Variants in CFAP299 observed in about 807,000 individuals in gnomAD.
The protein encoded by CFAP299 is cilia and flagella associated protein 299.
CFAP299 carries 21 observed loss-of-function variants against 27.0 expected under a neutral mutation model. That is an observed-to-expected ratio of 0.78 (90% CI 0.55 to 1.12). The LOEUF (loss-of-function observed/expected upper bound fraction) is 1.12. Ranked by LOEUF, CFAP299 falls within the 50% of genes most tolerant of loss-of-function variation. The pLI, the probability that CFAP299 is intolerant of heterozygous loss-of-function variation, is 0.00. For synonymous variants in CFAP299, 104 were observed against 98.1 expected (o/e 1.06, Z -0.36); for missense variants, 310 against 276.6 (o/e 1.12, Z -0.86).
chr4:80,349,221 A>G (rs1722905334), intron 1 of CFAP299, among the ~76,000 whole-genome samples: 1 of 152,238 alleles, frequency 6.6e-6, no homozygotes, highest in African/African-American at 2.4e-5. Context: ...TCCAAAAGCC[A>G]AAACAATATT....
Position 80,591,777 on chromosome 4 carries a change from G to A in CFAP299, c.333+8594G>A, listed in dbSNP as rs145195903. Among the ~76,000 whole-genome samples, 772 of 152,298 alleles carry A rather than the reference G, an allele frequency of 5.1e-3. 5 individuals are homozygous for A. Among genetic ancestry groups the A allele is most frequent in the Middle Eastern group, 0.02 (6 of 294 alleles). ...TTTGTTTGGAAGGGCCTTCAATAGG[G>A]TCTTTGAATTTGGGAGATACTGCAG... On this transcript the variant is annotated intron_variant, in intron 3 of 5. Coordinates refer to ENST00000358105, the MANE Select transcript of CFAP299 (RefSeq NM_152770.3).
intron 1 of CFAP299, among the ~76,000 whole-genome samples, chr4:80,342,575 C>T (rs1722508256): frequency 6.6e-6 from 1 of 152,154 alleles, no homozygotes; most frequent in Admixed American, 6.5e-5. Context: ...AGCTAAGCTT[C>T]ATTAGCACAG....
At chr4:80,863,147 A>G (rs1055467270) in intron 3 of CFAP299, among the ~76,000 whole-genome samples, 1 of 150,894 alleles carries the variant, frequency 6.6e-6, no homozygotes, top group Non-Finnish European at 1.5e-5. Flanking sequence ...GACAGCTCTC[A>G]TTCCCTGGAA....
chr4:80,430,601 A>G (rs1240616651), intron 2 of CFAP299, among the ~76,000 whole-genome samples: 1 of 152,056 alleles, frequency 6.6e-6, no homozygotes, highest in Non-Finnish European at 1.5e-5. Flanking sequence ...ACAACTTCCT[A>G]CTTCTTAGTC....
intron 4 of CFAP299, among the ~76,000 whole-genome samples, chr4:80,887,694 C>T (rs890272243): frequency 6.6e-6 from 1 of 152,126 alleles, no homozygotes; most frequent in South Asian, 2.1e-4. Flanking sequence ...TTATGTAACA[C>T]TGTAATTGTG....
intron 3 of CFAP299, among the ~76,000 whole-genome samples, chr4:80,865,863 G>A (rs1732692436): frequency 7.6e-6 from 1 of 132,028 alleles, no homozygotes; most frequent in African/African-American, 2.8e-5. Flanking sequence ...GGTGGGAATT[G>A]AACAATGAAA....
At position 80,673,642 on chromosome 4, in the gene CFAP299, G is replaced by T. The variant is rs192472365; in HGVS notation, c.333+90459G>T. ...TTAAAGTCTCCCATTATTATTGTGTGGGAGTCTAAGCCTCTTTGTAGGTCA... is the reference window on the plus strand; with the variant it reads ...TTAAAGTCTCCCATTATTATTGTGTTGGAGTCTAAGCCTCTTTGTAGGTCA... On this transcript the variant is annotated intron_variant, in intron 3 of 5. Coordinates refer to ENST00000358105, the MANE Select transcript of CFAP299 (RefSeq NM_152770.3). Among the ~76,000 whole-genome samples the T allele has an allele frequency of 2.4e-3, 369 of 152,148 alleles. 1 individual carries two copies. Among genetic ancestry groups the T allele is most frequent in the African/African-American group, 8.3e-3 (345 of 41,520 alleles).
rs539349145 is a variant in CFAP299, at chr4:80,540,444, C to A, written c.243-42649C>A. The stretch of plus-strand genomic sequence containing the variant: ...GTTACAAGAGTACATTAATTCATTA[C>A]CCCAAACAAGGGCAGAAAACAACAG... On this transcript the variant is annotated intron_variant, in intron 2 of 5. Coordinates refer to ENST00000358105, the MANE Select transcript of CFAP299 (RefSeq NM_152770.3). 2.2e-3 allele frequency among the ~76,000 whole-genome samples: 332 copies of A among 152,232 alleles called. 3 individuals are homozygous for A. The highest frequency in any genetic ancestry group is 3.4e-3 in the Middle Eastern group (1 of 294).
intron 2 of CFAP299, among the ~76,000 whole-genome samples, chr4:80,373,570 T>C (rs1208430999): frequency 6.6e-6 from 1 of 152,130 alleles, no homozygotes; most frequent in Non-Finnish European, 1.5e-5. Context: ...TGATACAAAT[T>C]GAGTTATTCC....
intron 3 of CFAP299, among the ~76,000 whole-genome samples, chr4:80,753,468 GT>G (rs1247547699): frequency 4.6e-5 from 7 of 151,866 alleles, no homozygotes; most frequent in Admixed American, 6.6e-5. Context: ...TTGGTTTTTT[GT>G]TTGTTTTGTT....
At chr4:80,623,311 T>C (rs1738702492) in intron 3 of CFAP299, among the ~76,000 whole-genome samples, 1 of 152,036 alleles carries the variant, frequency 6.6e-6, no homozygotes. Flanking sequence ...ATGTCCAAGA[T>C]AAAATTAATA....
chr4:80,900,177 G>A lies in CFAP299; in HGVS notation c.476+30042G>A, dbSNP rs918971329. On this transcript the variant is annotated intron_variant, in intron 4 of 5. Coordinates refer to ENST00000358105, the MANE Select transcript of CFAP299 (RefSeq NM_152770.3). Reference sequence around the variant, plus strand: ...GTGTGTGTGTCTGAGAGAGTAGAAGGGAACAGTAGTCTATAACGGAAATGT... The same window carrying A: ...GTGTGTGTGTCTGAGAGAGTAGAAGAGAACAGTAGTCTATAACGGAAATGT... Among the ~76,000 whole-genome samples the A allele has an allele frequency of 2.3e-5, 3 of 131,564 alleles. No homozygotes were observed. In the East Asian group the frequency reaches 6.6e-4, roughly 29 times the overall value. 86.3% of individuals were successfully genotyped at this position (131,564 alleles called of 152,430 possible).
chr4:80,598,673 AT>A (rs1200271809), intron 3 of CFAP299, among the ~76,000 whole-genome samples: 1 of 152,208 alleles, frequency 6.6e-6, no homozygotes, highest in Non-Finnish European at 1.5e-5. Context: ...AAAGTGACTA[AT>A]AGCAAATACC....
At chr4:80,497,798 A>G (rs1331512134) in intron 2 of CFAP299, among the ~76,000 whole-genome samples, 3 of 152,172 alleles carry the variant, frequency 2.0e-5, no homozygotes, top group Non-Finnish European at 4.4e-5. Context: ...ACTGAATAGC[A>G]TAAGCAATCC....
chr4:80,382,495 A>G (rs1410498292), intron 2 of CFAP299, among the ~76,000 whole-genome samples: 1 of 152,218 alleles, frequency 6.6e-6, no homozygotes, highest in Non-Finnish European at 1.5e-5. Flanking sequence ...ATTTACAAGA[A>G]CAAAACAAGC....
At position 80,963,524 on chromosome 4, in the gene CFAP299, C is replaced by T; in HGVS notation, c.614C>T (p.Pro205Leu). 1.3e-6 allele frequency: 2 copies of T among 1,590,720 alleles called. No individual in the cohort carries two copies. The highest frequency in any genetic ancestry group is 1.7e-6 in the Non-Finnish European group (2 of 1,168,788). The change falls in exon 6 of 6, where the codon CCA becomes CTA. Residue 205 changes from proline to leucine, a missense_variant. Coordinates refer to ENST00000358105, the MANE Select transcript of CFAP299 (RefSeq NM_152770.3). ...KILNVDPKAQPGDNSTRITIL... is the reference protein window; with the variant it reads ...KILNVDPKAQLGDNSTRITIL... ...GTAATTTATGTATTTTAGGCGCAGC[C>T]AGGTGACAACTCTACTAGAATCACT...
intron 2 of CFAP299, among the ~76,000 whole-genome samples, chr4:80,403,446 T>C (rs1726260932): frequency 6.6e-6 from 1 of 152,220 alleles, no homozygotes; most frequent in Non-Finnish European, 1.5e-5. Context: ...TCCTTTTTTT[T>C]CCAATACAAA....
intron 2 of CFAP299, among the ~76,000 whole-genome samples, chr4:80,384,494 A>C (rs142114093): frequency 6.6e-6 from 1 of 152,298 alleles, no homozygotes; most frequent in Non-Finnish European, 1.5e-5. Flanking sequence ...GACACAAAGA[A>C]CTTATTTTGT....
chr4:80,530,869 G>C (rs935021301), intron 2 of CFAP299, among the ~76,000 whole-genome samples: 2 of 152,166 alleles, frequency 1.3e-5, no homozygotes, highest in Non-Finnish European at 2.9e-5. Flanking sequence ...AGGAGTCCTA[G>C]CATGGATAAG....
Sources: allele counts gnomAD v4.1 joint callset (sites outside exome capture counted in the v4.1 genomes callset), GRCh38; gene constraint gnomAD v4.1.1; transcripts MANE v1.5; gene names NCBI Gene and HGNC (gene_info 2026-07-23, HGNC 2026-07-21).